Variants in RAB3C observed in about 807,000 individuals in gnomAD.
RAB3C encodes RAB3C, member RAS oncogene family.
RAB3C carries 17 observed loss-of-function variants against 26.4 expected under a neutral mutation model. The observed-to-expected ratio is 0.64, with a 90% CI of 0.44 to 0.97. The LOEUF (loss-of-function observed/expected upper bound fraction) is 0.97. RAB3C is among the 50% of genes least tolerant of loss of function. The probability of loss-of-function intolerance (pLI) is 0.00; values close to 1 mark genes in which losing one functional copy is unlikely to be tolerated. For missense variants in RAB3C, 242 were observed against 281.9 expected, an observed-to-expected ratio of 0.86 and a Z score of 1.01; for synonymous variants, 91 against 95.9, an observed-to-expected ratio of 0.95 and a Z score of 0.30.
At chr5:58,725,085 T>C (rs1392654119) in intron 2 of RAB3C, among the ~76,000 whole-genome samples, 1 of 151,920 alleles carries the variant, frequency 6.6e-6, no homozygotes, top group Non-Finnish European at 1.5e-5. Context: ...TGTTTTCAAA[T>C]TGAAGAACTC....
intron 3 of RAB3C, among the ~76,000 whole-genome samples, chr5:58,737,894 G>C (rs1359332718): frequency 6.6e-6 from 1 of 151,060 alleles, no homozygotes; most frequent in Non-Finnish European, 1.5e-5. Flanking sequence ...GACTGATAAA[G>C]AGAAAAGAAA....
At chr5:58,793,354 C>T (rs1339405446) in intron 3 of RAB3C, among the ~76,000 whole-genome samples, 4 of 152,152 alleles carry the variant, frequency 2.6e-5, no homozygotes, top group Middle Eastern at 3.4e-3. Flanking sequence ...GTCAAGAGAT[C>T]GAGACTATCC....
chr5:58,729,958 T>C (rs960357755), intron 3 of RAB3C, among the ~76,000 whole-genome samples: 9 of 148,396 alleles, frequency 6.1e-5, no homozygotes, highest in African/African-American at 2.0e-4. Flanking sequence ...CTAATATATA[T>C]TTTGAATAGA....
chr5:58,823,349 G>A (rs1743391225), intron 3 of RAB3C: 1 of 170,454 alleles, frequency 5.9e-6, no homozygotes, highest in Non-Finnish European at 1.3e-5. Flanking sequence ...GCAAAACCCT[G>A]TTTCTGCAAA....
intron 3 of RAB3C, among the ~76,000 whole-genome samples, chr5:58,772,404 T>A (rs1363513887): frequency 6.6e-6 from 1 of 152,108 alleles, no homozygotes; most frequent in Admixed American, 6.6e-5. Context: ...TCCATTAGAA[T>A]AGAAGGGCAG....
intron 4 of RAB3C, among the ~76,000 whole-genome samples, chr5:58,831,067 G>C (rs1221667201): frequency 6.6e-6 from 1 of 151,990 alleles, no homozygotes; most frequent in Non-Finnish European, 1.5e-5. Context: ...TTGAGAGATA[G>C]GGTCTTCACT....
intron 2 of RAB3C, among the ~76,000 whole-genome samples, chr5:58,681,316 T>A (rs1302959831): frequency 6.6e-6 from 1 of 152,218 alleles, no homozygotes; most frequent in Non-Finnish European, 1.5e-5. Flanking sequence ...AATATTGGGA[T>A]ATTGCCAATG....
chr5:58,805,402 T>G (rs1440132701), intron 3 of RAB3C, among the ~76,000 whole-genome samples: 2 of 151,920 alleles, frequency 1.3e-5, no homozygotes, highest in African/African-American at 2.4e-5. Flanking sequence ...CTGGCCAACA[T>G]GATGAAACCT....
At chr5:58,694,071 A>T (rs1030338169) in intron 2 of RAB3C, among the ~76,000 whole-genome samples, 1 of 152,072 alleles carries the variant, frequency 6.6e-6, no homozygotes, top group Non-Finnish European at 1.5e-5. Context: ...TCCTAATGCT[A>T]TCGCTCCCCC....
chr5:58,730,001 A>G (rs531783710), intron 3 of RAB3C, among the ~76,000 whole-genome samples: 1 of 150,342 alleles, frequency 6.7e-6, no homozygotes, highest in South Asian at 2.1e-4. Flanking sequence ...TTACATCCTG[A>G]TTTCCCAGCA....
chr5:58,756,319 A>T (rs906032419), intron 3 of RAB3C, among the ~76,000 whole-genome samples: 1 of 139,372 alleles, frequency 7.2e-6, no homozygotes, highest in Non-Finnish European at 1.6e-5. Context: ...CCCAGTAGTT[A>T]TATATATATA....
At chr5:58,619,580 G>C (rs1337730836) in intron 2 of RAB3C, among the ~76,000 whole-genome samples, 1 of 152,110 alleles carries the variant, frequency 6.6e-6, no homozygotes, top group Admixed American at 6.5e-5. Context: ...TCATTCCTCT[G>C]GTTGATAGCT....
At chr5:58,618,050 AG>A (rs539163076) in intron 2 of RAB3C, among the ~76,000 whole-genome samples, 180 bp downstream of exon 2, 4 of 131,518 alleles carry the variant, frequency 3.0e-5, no homozygotes, top group African/African-American at 5.3e-5. Flanking sequence ...TTAAGACATG[AG>A]GGGTGAATTA....
At chr5:58,620,030 T>C (rs1746902535) in intron 2 of RAB3C, among the ~76,000 whole-genome samples, 1 of 152,080 alleles carries the variant, frequency 6.6e-6, no homozygotes. Flanking sequence ...CTCTGAAATA[T>C]TATTATCTTC....
chr5:58,779,632 C>T (rs1742230616), intron 3 of RAB3C, among the ~76,000 whole-genome samples: 1 of 151,962 alleles, frequency 6.6e-6, no homozygotes, highest in Non-Finnish European at 1.5e-5. Flanking sequence ...AGGATATCCT[C>T]CCATCTTGGC....
rs575706436 is a variant in RAB3C, at chr5:58,587,479, A to C, written c.24+4247A>C. Among the ~76,000 whole-genome samples, 23 of 152,306 alleles carry C rather than the reference A, an allele frequency of 1.5e-4. No individual in the cohort carries two copies. The South Asian group carries it at 4.6e-3, about 30-fold the overall frequency. On this transcript the variant is annotated intron_variant, in intron 1 of 4. Transcript: ENST00000282878. ...ATCTTAGCAGGTCAGTCTATTACCA[A>C]GGATACTACAGCCTGTGAAGATTAA...
chr5:58,679,089 C>T (rs1392831461), intron 2 of RAB3C, among the ~76,000 whole-genome samples: 1 of 152,080 alleles, frequency 6.6e-6, no homozygotes, highest in Non-Finnish European at 1.5e-5. Flanking sequence ...GTGTCAAGTC[C>T]TATGAACAAG....
chr5:58,826,905 A>T (rs928928278), intron 4 of RAB3C, among the ~76,000 whole-genome samples: 7 of 152,204 alleles, frequency 4.6e-5, no homozygotes, highest in Non-Finnish European at 8.8e-5. Flanking sequence ...ACTAATCTAA[A>T]TACAGTTCAC....
At chr5:58,756,181 A>G (rs897308146) in intron 3 of RAB3C, among the ~76,000 whole-genome samples, 2 of 151,010 alleles carry the variant, frequency 1.3e-5, no homozygotes, top group Non-Finnish European at 2.9e-5. Context: ...CTCTCCATAC[A>G]TGTTACATAC....
Sources: gnomAD v4.1 joint callset for allele counts (sites outside exome capture counted in the v4.1 genomes callset) on GRCh38, gnomAD v4.1.1 for gene constraint, MANE v1.5 for transcripts, NCBI Gene and HGNC (gene_info 2026-07-23, HGNC 2026-07-21) for gene names.